RASGRP1: variants seen among roughly 807,000 people sequenced by gnomAD.
RASGRP1 encodes the protein RAS guanyl releasing protein 1.
RASGRP1 carries 37 observed loss-of-function variants against 95.1 expected under a neutral mutation model. The observed-to-expected ratio is 0.39, with a 90% CI of 0.30 to 0.51. RASGRP1 has a LOEUF of 0.51. RASGRP1 is among the 20% of genes least tolerant of loss of function. The pLI is 0.80. For missense variants in RASGRP1, 711 were observed against 965.4 expected (o/e 0.74, Z 3.49); for synonymous variants, 325 against 353.4 (o/e 0.92, Z 0.90).
intron 2 of RASGRP1, among the ~76,000 whole-genome samples, chr15:38,529,207 G>A (rs558374005): frequency 5.9e-5 from 9 of 152,158 alleles, no homozygotes; most frequent in African/African-American, 2.2e-4. Context: ...CTATACAGAA[G>A]TCAGGACAAA....
intron 15 of RASGRP1, among the ~76,000 whole-genome samples, chr15:38,497,320 C>T (rs1318712165): frequency 6.6e-6 from 1 of 152,120 alleles, no homozygotes; most frequent in Non-Finnish European, 1.5e-5. Context: ...TACAGACAGG[C>T]ACCTGTCATT....
intron 6 of RASGRP1, among the ~76,000 whole-genome samples, chr15:38,515,904 A>AGC (rs1891754775): frequency 7.1e-6 from 1 of 140,790 alleles, no homozygotes; most frequent in African/African-American, 2.6e-5. Flanking sequence ...AGAGAGAGAG[A>AGC]GAGAGAGTGT....
rs1891642502 is a variant in RASGRP1 at position 38,513,773 on chromosome 15, C to T, written c.676-817G>A. On this transcript the variant is annotated intron_variant, in intron 6 of 16. Transcript: ENST00000310803. The stretch of plus-strand genomic sequence containing the variant: ...GCTCAAATCACAGTCTGTTTCTCTT[C>T]AACTTTCCTATGGAAGTCTTTGGTG... Among the ~76,000 whole-genome samples the T allele has an allele frequency of 2.0e-5, 3 of 152,214 alleles. No homozygotes were observed. In the South Asian group the frequency reaches 6.2e-4, roughly 31 times the overall value.
chr15:38,491,707 T>C (rs1020050359), intron 16 of RASGRP1, among the ~76,000 whole-genome samples: 1 of 152,212 alleles, frequency 6.6e-6, no homozygotes, highest in African/African-American at 2.4e-5. Flanking sequence ...GTAAGGATTA[T>C]ACTTAATGGG....
At chr15:38,492,986 T>C (rs1788497429) in intron 16 of RASGRP1, among the ~76,000 whole-genome samples, 1 of 150,536 alleles carries the variant, frequency 6.6e-6, no homozygotes, top group South Asian at 2.2e-4. Context: ...GTTCATGCCA[T>C]CCTCCTGCCT....
In RASGRP1 at chr15:38,490,077, G is replaced by A. The variant is rs908361320; in HGVS notation, c.*477C>T. 5 of 152,778 alleles carry A rather than the reference G, an allele frequency of 3.3e-5. No homozygotes were observed. Among genetic ancestry groups the A allele is most frequent in the African/African-American group, 9.6e-5 (4 of 41,544 alleles). The allele number at this position is 152,778 out of a possible 1,614,324, so 9.5% of individuals were successfully genotyped here. ...TCTGAGGTAGTGAAGAAGGAGCCAG[G>A]TTCACAAAGTATGCTGGGATACAGA... On this transcript the variant is annotated 3_prime_UTR_variant, in exon 17 of 17. Transcript: ENST00000310803.
Position 38,540,392 on chromosome 15 carries a change from C to A in RASGRP1, c.221-13988G>T, listed in dbSNP as rs151089231. Among the ~76,000 whole-genome samples, 417 of 152,202 alleles carry A rather than the reference C, an allele frequency of 2.7e-3. 3 individuals are homozygous for A. Among genetic ancestry groups the A allele is most frequent in the African/African-American group, 9.5e-3 (393 of 41,536 alleles). Reference sequence around the variant, plus strand: ...AAGAACAAACATTAACATTGACTGGCAACTAATGATAAACACAAAACAGTA... The same window carrying A: ...AAGAACAAACATTAACATTGACTGGAAACTAATGATAAACACAAAACAGTA... On this transcript the variant is annotated intron_variant, in intron 2 of 16. Coordinates refer to ENST00000310803, the MANE Select transcript of RASGRP1 (RefSeq NM_005739.4).
At chr15:38,505,496 GTCAC>G (rs1891216992) in intron 10 of RASGRP1, among the ~76,000 whole-genome samples, 1 of 152,168 alleles carries the variant, frequency 6.6e-6, no homozygotes, top group African/African-American at 2.4e-5. Flanking sequence ...CGGGGGGGAT[GTCAC>G]TCTGGTGCAC....
chr15:38,506,996 T>A (rs1449849203), intron 9 of RASGRP1, among the ~76,000 whole-genome samples: 1 of 152,182 alleles, frequency 6.6e-6, no homozygotes, highest in African/African-American at 2.4e-5. Context: ...AAAATGCTGC[T>A]GTGAGGCAGA....
chr15:38,558,995 G>A (rs1038376243), intron 2 of RASGRP1, among the ~76,000 whole-genome samples: 2 of 152,104 alleles, frequency 1.3e-5, no homozygotes, highest in African/African-American at 4.8e-5. Flanking sequence ...GCTTCACCGT[G>A]GGAGATGGAG....
intron 3 of RASGRP1, among the ~76,000 whole-genome samples, chr15:38,522,816 C>T (rs559659442): frequency 6.6e-6 from 1 of 152,256 alleles, no homozygotes; most frequent in South Asian, 2.1e-4. Flanking sequence ...TGAGGAGGCC[C>T]TTTTGCTGGC....
chr15:38,493,945 C>T (rs1267823400), intron 16 of RASGRP1, among the ~76,000 whole-genome samples: 4 of 152,136 alleles, frequency 2.6e-5, no homozygotes, highest in Non-Finnish European at 5.9e-5. Context: ...GTTAAAGAGA[C>T]CTCTAGGGAA....
At chr15:38,512,541 C>A (rs552206442) in intron 7 of RASGRP1, among the ~76,000 whole-genome samples, 1 of 152,136 alleles carries the variant, frequency 6.6e-6, no homozygotes, top group Non-Finnish European at 1.5e-5. Flanking sequence ...CTAAACAGAT[C>A]TAAAACTGGA....
intron 2 of RASGRP1, among the ~76,000 whole-genome samples, chr15:38,545,470 T>C (rs1893070416): frequency 6.6e-6 from 1 of 151,912 alleles, no homozygotes; most frequent in African/African-American, 2.4e-5. Flanking sequence ...TCCAACCCTG[T>C]GGCCACAGTC....
chr15:38,522,940 C>T (rs545262273), intron 3 of RASGRP1, among the ~76,000 whole-genome samples: 4 of 151,972 alleles, frequency 2.6e-5, no homozygotes, highest in South Asian at 4.2e-4. Flanking sequence ...ACGGGGTAGG[C>T]GGACCATGTA....
chr15:38,491,606 C>T (rs889632403), intron 16 of RASGRP1, among the ~76,000 whole-genome samples: 7 of 151,972 alleles, frequency 4.6e-5, no homozygotes, highest in African/African-American at 1.7e-4. Flanking sequence ...AATATTTATT[C>T]TTATTAATAT....
In RASGRP1 at chr15:38,515,887, CAGAG is replaced by C. The variant is rs34032922; in HGVS notation, c.675+306_675+309del. On this transcript the variant is annotated intron_variant, in intron 6 of 16. Transcript: ENST00000310803. ...GGGTATGAGGGTAGAATGAGAGAGA[CAGAG>C]AGAGAGAGAGAGAGAGAGAGTGTGT... is the stretch of plus-strand genomic sequence containing the variant. 9.4e-3 allele frequency among the ~76,000 whole-genome samples: 1,320 copies of C among 140,942 alleles called. 16 individuals are homozygous for C. Among genetic ancestry groups the C allele is most frequent in the African/African-American group, 0.023 (874 of 37,398 alleles). The allele number at this position is 140,942 out of a possible 152,430, so 92.5% of individuals were successfully genotyped here.
In RASGRP1 at chr15:38,511,619, T is replaced by C. The variant is rs951753046; in HGVS notation, c.951A>G (p.Pro317=). 6.2e-7 allele frequency: 1 copy of C among 1,613,016 alleles called. No homozygotes were observed. Among genetic ancestry groups the C allele is most frequent in the African/African-American group, 1.3e-5 (1 of 74,884 alleles). The part of the protein sequence containing the change: ...SRLKETSSHV[P]HEINKVLGEM... ...TAGCACTGACCTTATTGATTTCATG[T>C]GGGACATGCGAACTTGTCTCCTTGA... The change falls in exon 8 of 17, where the codon CCA becomes CCG. Residue 317 remains proline (P), a synonymous_variant. Coordinates refer to ENST00000310803, the MANE Select transcript of RASGRP1 (RefSeq NM_005739.4).
intron 2 of RASGRP1, among the ~76,000 whole-genome samples, chr15:38,544,267 T>C (rs1489393201): frequency 1.3e-5 from 2 of 152,150 alleles, no homozygotes; most frequent in Non-Finnish European, 2.9e-5. Flanking sequence ...CAGGAACTAT[T>C]AGGGGTCGTA....
Sources: allele counts gnomAD v4.1 joint callset (sites outside exome capture counted in the v4.1 genomes callset), GRCh38; gene constraint gnomAD v4.1.1; transcripts MANE v1.5; gene names NCBI Gene and HGNC (gene_info 2026-07-23, HGNC 2026-07-21).